AHCYL2: variants seen among roughly 807,000 people sequenced by gnomAD.
AHCYL2 encodes S-adenosylhomocysteine hydrolase-like protein 2.
In AHCYL2, 28 loss-of-function variants were observed where a neutral mutation model predicts 81.4. The observed-to-expected ratio is 0.34, with a 90% CI of 0.25 to 0.47. The LOEUF is 0.47. Ranked by LOEUF, AHCYL2 falls within the 20% of genes least tolerant of loss-of-function variation. The probability of loss-of-function intolerance (pLI) is 1.00; values close to 1 mark genes in which losing one functional copy is unlikely to be tolerated. For missense variants in AHCYL2, 551 were observed against 785.1 expected, an observed-to-expected ratio of 0.70 and a Z score of 3.56; for synonymous variants, 272 against 290.2, an observed-to-expected ratio of 0.94 and a Z score of 0.64.
intron 1 of AHCYL2, among the ~76,000 whole-genome samples, chr7:129,341,404 G>A (rs1451546067): frequency 2.6e-5 from 4 of 152,116 alleles, no homozygotes; most frequent in Admixed American, 2.0e-4. Flanking sequence ...AGTGGTTGGG[G>A]GACACTTTCA....
intron 1 of AHCYL2, among the ~76,000 whole-genome samples, chr7:129,275,399 C>A (rs1342715475): frequency 2.0e-5 from 3 of 151,770 alleles, no homozygotes; most frequent in Non-Finnish European, 4.4e-5. Context: ...AAGACCTTGT[C>A]TCCAAAAAAT....
At chr7:129,382,516 C>T (rs1667097128) in intron 2 of AHCYL2, among the ~76,000 whole-genome samples, 1 of 152,180 alleles carries the variant, frequency 6.6e-6, no homozygotes, top group African/African-American at 2.4e-5. Context: ...ATGAGAATCG[C>T]TTGAACCCAG....
intron 1 of AHCYL2, among the ~76,000 whole-genome samples, chr7:129,336,097 C>A (rs1224901714): frequency 1.8e-5 from 2 of 113,080 alleles, no homozygotes; most frequent in Non-Finnish European, 3.3e-5. Context: ...TTGACGGAGT[C>A]CCACTCTGTC....
intron 12 of AHCYL2, among the ~76,000 whole-genome samples, chr7:129,418,277 T>TTTTA (rs1214274253): frequency 8.5e-5 from 13 of 152,142 alleles, no homozygotes; most frequent in East Asian, 1.9e-4. Context: ...TGACTTAGGT[T>TTTTA]TTTATTTATT....
intron 1 of AHCYL2, among the ~76,000 whole-genome samples, chr7:129,365,110 G>A (rs1794060503): frequency 6.6e-6 from 1 of 152,140 alleles, no homozygotes; most frequent in Non-Finnish European, 1.5e-5. Flanking sequence ...AGAGCCTGGA[G>A]ACTAACAAGG....
chr7:129,259,961 A>C (rs1274421287), intron 1 of AHCYL2, among the ~76,000 whole-genome samples: 1 of 152,046 alleles, frequency 6.6e-6, no homozygotes, highest in East Asian at 1.9e-4. Flanking sequence ...CTGTAATCCC[A>C]GCTACTTGGG....
intron 1 of AHCYL2, among the ~76,000 whole-genome samples, chr7:129,317,526 A>G (rs1563193979): frequency 6.6e-6 from 1 of 152,196 alleles, no homozygotes; most frequent in Admixed American, 6.5e-5. Context: ...AGCATAGTTG[A>G]GAAAATCCCA....
At chr7:129,303,574 A>G (rs999569839) in intron 1 of AHCYL2, among the ~76,000 whole-genome samples, 3 of 151,884 alleles carry the variant, frequency 2.0e-5, no homozygotes, top group Non-Finnish European at 4.4e-5. Context: ...AGGTTTGTCA[A>G]TTTCATTTAT....
rs1794153456 is a variant in AHCYL2 at position 129,225,069 on chromosome 7, A to C, written c.-8A>C. ...GAGTCTGAGCCGGTGGTTGCAGCGG[A>C]GGCGGTGATGTCGGTGCAGGTTGTG... On this transcript the variant is annotated 5_prime_UTR_variant, in exon 1 of 17. Coordinates refer to ENST00000325006, the MANE Select transcript of AHCYL2 (RefSeq NM_015328.4). The C allele has an allele frequency of 6.3e-7, 1 of 1,584,934 alleles. No individual in the cohort carries two copies. The highest frequency in any genetic ancestry group is 1.3e-5 in the African/African-American group (1 of 74,154).
At chr7:129,383,277 C>T (rs891056885) in intron 2 of AHCYL2, among the ~76,000 whole-genome samples, 62 of 151,934 alleles carry the variant, frequency 4.1e-4, no homozygotes, top group African/African-American at 1.5e-3. Flanking sequence ...GCAGTCTTCC[C>T]ACCTCAGCCT....
At chr7:129,320,036 A>G (rs890968374) in intron 1 of AHCYL2, among the ~76,000 whole-genome samples, 7 of 152,200 alleles carry the variant, frequency 4.6e-5, no homozygotes, top group African/African-American at 1.7e-4. Context: ...TGACAATAGT[A>G]TGTGAGAATT....
In AHCYL2 at chr7:129,225,190, G is replaced by A. The variant is rs1436720066; in HGVS notation, c.114G>A (p.Val38=). The change falls in exon 1 of 17, where the codon GTG becomes GTA. Residue 38 remains valine (V), a synonymous_variant. Transcript: ENST00000325006. The part of the protein sequence containing the change: ...ESQLGLSTAA[V]GAMAPPAGGG... ...AACTAGGACTGAGCACGGCCGCCGT[G>A]GGCGCCATGGCCCCCCCGGCGGGCG... 3.2e-6 allele frequency: 5 copies of A among 1,567,380 alleles called. No individual in the cohort carries two copies. In the African/African-American group the frequency reaches 5.5e-5, roughly 17 times the overall value.
chr7:129,229,061 C>CTTTT (rs59291148), intron 1 of AHCYL2, among the ~76,000 whole-genome samples: 8 of 144,818 alleles, frequency 5.5e-5, no homozygotes, highest in African/African-American at 1.8e-4. Flanking sequence ...AATAATTAGC[C>CTTTT]TTTTTTTTTT....
At chr7:129,423,194 A>G (rs1797197000) in intron 13 of AHCYL2, among the ~76,000 whole-genome samples, 1 of 152,202 alleles carries the variant, frequency 6.6e-6, no homozygotes, top group Non-Finnish European at 1.5e-5. Context: ...AATTATTACT[A>G]TAGAAGGAAT....
At position 129,396,639 on chromosome 7, in the gene AHCYL2, G is replaced by T. The variant is rs1474477722; in HGVS notation, c.721-583G>T. ...GGGTTTCACCATGTTGGCCAGGCTGGTCTCAAACTCCTGACCTCAGGTGAT... is the reference window on the plus strand; with the variant it reads ...GGGTTTCACCATGTTGGCCAGGCTGTTCTCAAACTCCTGACCTCAGGTGAT... On this transcript the variant is annotated intron_variant, in intron 4 of 16. Transcript: ENST00000325006. Among the ~76,000 whole-genome samples the T allele has an allele frequency of 5.9e-5, 9 of 152,086 alleles. No homozygotes were observed. The East Asian group carries it at 1.7e-3, about 29-fold the overall frequency.
At chr7:129,335,535 C>T (rs1371487071) in intron 1 of AHCYL2, among the ~76,000 whole-genome samples, 2 of 152,076 alleles carry the variant, frequency 1.3e-5, no homozygotes, top group East Asian at 3.8e-4. Flanking sequence ...TTTTGTGGGT[C>T]AGGATTATGG....
Position 129,368,559 on chromosome 7 carries a change from C to T in AHCYL2, c.364-11079C>T. On this transcript the variant is annotated intron_variant, in intron 1 of 16. Coordinates refer to ENST00000325006, the MANE Select transcript of AHCYL2 (RefSeq NM_015328.4). This position sits in a 1 kb window ranked among gnomAD's most constrained non-coding sequence, Gnocchi z 4.4. The stretch of plus-strand genomic sequence containing the variant: ...CACATGCCTGAGTGGATGGTGAGTT[C>T]ACTGGTCGTTTTGTTTCTCCTTCTG... 1 of 1,613,932 alleles carries T rather than the reference C, an allele frequency of 6.2e-7. No homozygotes were observed.
At chr7:129,229,968 C>T (rs1335472803) in intron 1 of AHCYL2, among the ~76,000 whole-genome samples, 1 of 151,938 alleles carries the variant, frequency 6.6e-6, no homozygotes, top group Non-Finnish European at 1.5e-5. Flanking sequence ...GCCTCACCAT[C>T]TCTATGAGTC....
intron 1 of AHCYL2, among the ~76,000 whole-genome samples, chr7:129,366,132 C>T (rs1249910026): frequency 6.6e-6 from 1 of 152,174 alleles, no homozygotes; most frequent in Non-Finnish European, 1.5e-5. Context: ...TGTGTCCTGA[C>T]ATCACTCAAG....
Sources: allele counts gnomAD v4.1 joint callset (sites outside exome capture counted in the v4.1 genomes callset), GRCh38; gene constraint gnomAD v4.1.1; non-coding constraint Gnocchi (gnomAD v3.1); transcripts MANE v1.5; gene names NCBI Gene and HGNC (gene_info 2026-07-23, HGNC 2026-07-21).